TNRC6B: variants seen among roughly 807,000 people sequenced by gnomAD.
TNRC6B encodes trinucleotide repeat containing adaptor 6B.
In TNRC6B, 52 loss-of-function variants were observed where a neutral mutation model predicts 203.6. The observed-to-expected ratio is 0.26, with a 90% confidence interval of 0.20 to 0.32. TNRC6B has a LOEUF of 0.32. TNRC6B is among the 10% of genes least tolerant of loss of function. The pLI, the probability that TNRC6B is intolerant of heterozygous loss-of-function variation, is 1.00. For synonymous variants in TNRC6B, 838 were observed against 845.7 expected (o/e 0.99, Z 0.16); for missense variants, 1,923 against 2,286.2 (o/e 0.84, Z 3.24).
At chr22:40,045,183 G>A (rs1269484270) in intron 1 of TNRC6B, among the ~76,000 whole-genome samples, 1 of 145,480 alleles carries the variant, frequency 6.9e-6, no homozygotes, top group Non-Finnish European at 1.5e-5. Flanking sequence ...AGCGGGCCGG[G>A]GAGGGGGCGT....
intron 12 of TNRC6B, among the ~76,000 whole-genome samples, chr22:40,295,572 T>G (rs1012042264): frequency 6.6e-5 from 10 of 152,052 alleles, no homozygotes; most frequent in African/African-American, 9.7e-5. Flanking sequence ...CTGAGGAATT[T>G]AACTCTGACC....
At chr22:40,057,566 G>C (rs1288728583) in intron 1 of TNRC6B, among the ~76,000 whole-genome samples, 1 of 152,116 alleles carries the variant, frequency 6.6e-6, no homozygotes, top group Non-Finnish European at 1.5e-5. Flanking sequence ...GATTACAGGC[G>C]TGAGCCACCC....
intron 1 of TNRC6B, among the ~76,000 whole-genome samples, chr22:40,063,601 T>G (rs1301145628): frequency 6.6e-6 from 1 of 152,238 alleles, no homozygotes; most frequent in African/African-American, 2.4e-5. Context: ...GTTTTATGGT[T>G]TTCAGCGTAT....
At chr22:40,171,766 C>A (rs1302461279) in intron 4 of TNRC6B, among the ~76,000 whole-genome samples, 1 of 152,140 alleles carries the variant, frequency 6.6e-6, no homozygotes, top group East Asian at 1.9e-4. Context: ...CTCTTCCTAC[C>A]TCTTGAGATT....
intron 1 of TNRC6B, among the ~76,000 whole-genome samples, chr22:40,234,523 A>G (rs2069922127): frequency 6.6e-6 from 1 of 152,208 alleles, no homozygotes. Flanking sequence ...CTAAATAAGA[A>G]TCTGCGTTTA....
At chr22:40,199,169 TA>T (rs1185960029) in intron 1 of TNRC6B, among the ~76,000 whole-genome samples, 1 of 151,988 alleles carries the variant, frequency 6.6e-6, no homozygotes, top group Non-Finnish European at 1.5e-5. Flanking sequence ...ACCTGCTGAG[TA>T]AAAAAGAAAA....
chr22:40,308,318 C>CCTT (rs1226975440), intron 15 of TNRC6B, among the ~76,000 whole-genome samples, 194 bp from the exon 16 acceptor site: 1 of 152,202 alleles, frequency 6.6e-6, no homozygotes, highest in East Asian at 1.9e-4. Flanking sequence ...CATCTTCACG[C>CCTT]CTTCACAGAG....
chr22:40,206,222 G>T (rs990227347), intron 1 of TNRC6B, among the ~76,000 whole-genome samples: 69 of 152,028 alleles, frequency 4.5e-4, no homozygotes, highest in African/African-American at 1.5e-3. Flanking sequence ...TGTATGAGAT[G>T]CTCATTAAAG....
intron 1 of TNRC6B, among the ~76,000 whole-genome samples, chr22:40,107,339 A>T (rs917476308): frequency 1.3e-5 from 2 of 152,160 alleles, no homozygotes; most frequent in Non-Finnish European, 2.9e-5. Context: ...GCCTTTAAAA[A>T]TTTTTAAATA....
chr22:40,177,948 G>T lies in TNRC6B; in HGVS notation c.-188G>T. The T allele has an allele frequency of 7.1e-7, 1 of 1,404,942 alleles. No homozygotes were observed. The highest frequency in any genetic ancestry group is 9.2e-7 in the Non-Finnish European group (1 of 1,084,406). The allele number at this position is 1,404,942 out of a possible 1,614,324, so 87.0% of individuals were successfully genotyped here. ...TTAGAGACAGAGAGGGAGAGAGAGAGCAAGAGGGAGAGTGTGTGAGAGAGA... is the reference window on the plus strand; with the variant it reads ...TTAGAGACAGAGAGGGAGAGAGAGATCAAGAGGGAGAGTGTGTGAGAGAGA... On this transcript the variant is annotated 5_prime_UTR_variant, in exon 1 of 23. Transcript: ENST00000454349.
At chr22:40,156,041 G>T (rs1489068911) in intron 3 of TNRC6B, 1 of 1,370,966 alleles carries the variant, frequency 7.3e-7, no homozygotes, top group Non-Finnish European at 1.0e-6. Flanking sequence ...TCTGCACAGG[G>T]CAGGTGTGGG....
At chr22:40,058,799 T>C (rs539756702) in intron 1 of TNRC6B, among the ~76,000 whole-genome samples, 1 of 152,304 alleles carries the variant, frequency 6.6e-6, no homozygotes, top group African/African-American at 2.4e-5. Context: ...CCATATCCTT[T>C]AGTTTTTCTT....
chr22:40,097,239 T>A lies in TNRC6B; in HGVS notation c.-120-19816T>A, dbSNP rs2068192770. On this transcript the variant is annotated intron_variant, in intron 1 of 23. Transcript: ENST00000301923. Reference sequence around the variant, plus strand: ...TATGCTCTTTGTAAAAACTTGATGTTTATGAAGTAGAAAATGGAAAATTCT... The same window carrying A: ...TATGCTCTTTGTAAAAACTTGATGTATATGAAGTAGAAAATGGAAAATTCT... 2.0e-5 allele frequency among the ~76,000 whole-genome samples: 3 copies of A among 152,340 alleles called. No homozygotes were observed. In the South Asian group the frequency reaches 6.2e-4, roughly 32 times the overall value.
At chr22:40,242,843 C>A (rs1407141412) in intron 1 of TNRC6B, among the ~76,000 whole-genome samples, 1 of 151,966 alleles carries the variant, frequency 6.6e-6, no homozygotes, top group Non-Finnish European at 1.5e-5. Context: ...TTTGCTTGGG[C>A]TCTCACTCAG....
chr22:40,315,603 G>A (rs1056583287), intron 20 of TNRC6B, 96 bp downstream of exon 20: 30 of 1,336,176 alleles, frequency 2.2e-5, no homozygotes, highest in Non-Finnish European at 2.9e-5. Context: ...TCCCAAGAGA[G>A]GAAGTCATGG....
chr22:40,156,269 G>A, intron 4 of TNRC6B: 1 of 1,344,142 alleles, frequency 7.4e-7, no homozygotes, highest in Non-Finnish European at 1.0e-6. Context: ...GTTTGTCAGA[G>A]ATGTATACGT....
intron 1 of TNRC6B, among the ~76,000 whole-genome samples, chr22:40,227,880 C>G (rs2069813577): frequency 6.6e-6 from 1 of 152,160 alleles, no homozygotes; most frequent in South Asian, 2.1e-4. Flanking sequence ...CAGTTTTTCT[C>G]CTGAATAATA....
rs2071470174 is a variant in TNRC6B at position 40,331,736 on chromosome 22, G to A, written c.*8495G>A. The A allele has an allele frequency of 1.9e-5, 3 of 159,392 alleles. No homozygotes were observed. The highest frequency in any genetic ancestry group is 3.7e-5 in the Non-Finnish European group (3 of 81,184). 9.9% of individuals were successfully genotyped at this position (159,392 alleles called of 1,614,324 possible). On this transcript the variant is annotated 3_prime_UTR_variant, in exon 23 of 23. Transcript: ENST00000454349. Reference sequence around the variant, plus strand: ...ATGTTGTAAGGTGAATTGTAACTATGCATTCTGCAAAGGGGGTGGGGAGGA... The same window carrying A: ...ATGTTGTAAGGTGAATTGTAACTATACATTCTGCAAAGGGGGTGGGGAGGA...
Position 40,273,367 on chromosome 22 carries a change from A to G in TNRC6B, c.2966-58A>G, listed in dbSNP as rs2070591240. 48 of 1,437,388 alleles carry G rather than the reference A, an allele frequency of 3.3e-5. No homozygotes were observed. The South Asian group carries it at 6.7e-4, about 20-fold the overall frequency. The allele number at this position is 1,437,388 out of a possible 1,614,324, so 89.0% of individuals were successfully genotyped here. A position where few individuals can be genotyped will look rare whatever the true frequency, so the allele number is the denominator to read the frequency against. On this transcript the variant is annotated intron_variant, in intron 6 of 22. Coordinates refer to ENST00000454349, the MANE Select transcript of TNRC6B (RefSeq NM_001162501.2). ...AATGCTGCATCTGCAAGGAATTATT[A>G]TTCTGATGATTGTTTTATATAGCTG...
Sources: allele counts gnomAD v4.1 joint callset (sites outside exome capture counted in the v4.1 genomes callset), GRCh38; gene constraint gnomAD v4.1.1; transcripts MANE v1.5; gene names NCBI Gene and HGNC (gene_info 2026-07-23, HGNC 2026-07-21).